The following MS4A4E variants were observed in gnomAD, a reference collection of about 807,000 sequenced individuals.
MS4A4E encodes the protein putative membrane-spanning 4-domains subfamily A member 4E.
A neutral mutation model predicts 13.3 loss-of-function variants in MS4A4E; 23 were observed. The ratio of observed to expected loss-of-function variants is 1.73; its 90% CI spans 1.25 to 2.45. The LOEUF (loss-of-function observed/expected upper bound fraction) is 2.45. Among genes scored for constraint, MS4A4E ranks in the 30% most tolerant of loss-of-function variants. MS4A4E has a pLI of 0.00. For missense variants in MS4A4E, 144 were observed against 131.2 expected, an observed-to-expected ratio of 1.10 and a Z score of -0.48; for synonymous variants, 36 against 45.6, an observed-to-expected ratio of 0.79 and a Z score of 0.85.
At chr11:60,229,391 A>G (rs1168143913) in intron 2 of MS4A4E, among the ~76,000 whole-genome samples, 1 of 152,222 alleles carries the variant, frequency 6.6e-6, no homozygotes, top group Non-Finnish European at 1.5e-5. Context: ...GGCTAGTGAT[A>G]AACCTATATT....
At chr11:60,226,109 G>A (rs898682686) in intron 3 of MS4A4E, among the ~76,000 whole-genome samples, 8 of 151,184 alleles carry the variant, frequency 5.3e-5, no homozygotes, top group African/African-American at 1.9e-4. Context: ...GAAGAAATAG[G>A]CACTCTGAAT....
chr11:60,237,536 G>A (rs904943462), intron 1 of MS4A4E, among the ~76,000 whole-genome samples: 1 of 152,072 alleles, frequency 6.6e-6, no homozygotes, highest in African/African-American at 2.4e-5. Context: ...GTTCCACAGT[G>A]GTTAAACTAA....
At chr11:60,231,689 T>G (rs2084413116) in intron 1 of MS4A4E, among the ~76,000 whole-genome samples, 1 of 152,184 alleles carries the variant, frequency 6.6e-6, no homozygotes, top group Admixed American at 6.5e-5. Context: ...AGAAATTAAA[T>G]GCATCAGCTG....
In MS4A4E at chr11:60,201,067, C is replaced by T. The variant is rs1161407123; in HGVS notation, c.*476G>A. On this transcript the variant is annotated 3_prime_UTR_variant, in exon 9 of 9. Transcript: ENST00000651255. ...ACGTGGTGGCTGGCCGGGTGGGGGG[C>T]TGAACCCCCCACCTCCCTCCCGGAC... is the stretch of plus-strand genomic sequence containing the variant. Among the ~76,000 whole-genome samples, 3 of 142,244 alleles carry T rather than the reference C, an allele frequency of 2.1e-5. No individual in the cohort carries two copies. The East Asian group carries it at 6.9e-4, about 33-fold the overall frequency. 93.3% of individuals were successfully genotyped at this position (142,244 alleles called of 152,430 possible). A position where few individuals can be genotyped will look rare whatever the true frequency, so the allele number is the denominator to read the frequency against.
At chr11:60,239,792 C>A (rs949208541) in intron 1 of MS4A4E, among the ~76,000 whole-genome samples, 1 of 152,168 alleles carries the variant, frequency 6.6e-6, no homozygotes, top group Non-Finnish European at 1.5e-5. Context: ...ACTTCAGCAT[C>A]CCCTGAACAG....
intron 1 of MS4A4E, among the ~76,000 whole-genome samples, chr11:60,236,348 A>AT (rs557973045): frequency 1.3e-5 from 2 of 152,188 alleles, no homozygotes; most frequent in African/African-American, 2.4e-5. Flanking sequence ...GGTTGCTTGA[A>AT]TTTTTTATAA....
intron 1 of MS4A4E, among the ~76,000 whole-genome samples, chr11:60,242,280 T>C (rs1189065329): frequency 1.3e-5 from 2 of 152,328 alleles, no homozygotes; most frequent in South Asian, 2.1e-4. Context: ...ATTTACTTCA[T>C]CTGGGGAAAG....
intron 3 of MS4A4E, chr11:60,225,230 T>A: frequency 1.3e-6 from 1 of 773,664 alleles, no homozygotes. Flanking sequence ...TTGTCACTCT[T>A]TTTTTCACAT....
At chr11:60,230,399 T>C (rs1245999729) in intron 1 of MS4A4E, among the ~76,000 whole-genome samples, 2 of 152,232 alleles carry the variant, frequency 1.3e-5, no homozygotes, top group African/African-American at 4.8e-5. Context: ...ATGCCTAGTC[T>C]CTTGATTACA....
chr11:60,200,913 CG>C lies in MS4A4E; in HGVS notation c.*629del, dbSNP rs1352387165. Among the ~76,000 whole-genome samples the C allele has an allele frequency of 7.9e-4, 114 of 144,176 alleles. No homozygotes were observed. Among genetic ancestry groups the C allele is most frequent in the African/African-American group, 2.8e-3 (109 of 38,738 alleles). 94.6% of individuals were successfully genotyped at this position (144,176 alleles called of 152,430 possible). A position where few individuals can be genotyped will look rare whatever the true frequency, so the allele number is the denominator to read the frequency against. On this transcript the variant is annotated 3_prime_UTR_variant, in exon 9 of 9. Coordinates refer to ENST00000651255, the MANE Select transcript of MS4A4E (RefSeq NM_001393391.1). ...CTCCCGGACGGGGCGGCTGGCCGGGCGGGGGGCTGACCCCTCCACCTCCCTC... is the reference window on the plus strand; with the variant it reads ...CTCCCGGACGGGGCGGCTGGCCGGGCGGGGGCTGACCCCTCCACCTCCCTC...
intron 3 of MS4A4E, chr11:60,225,166 T>C (rs1335640585): frequency 1.5e-6 from 2 of 1,330,008 alleles, no homozygotes; most frequent in Admixed American, 2.7e-5. Context: ...TTCCAATCAC[T>C]AAGCTATCCT....
At chr11:60,214,245 C>T (rs1316518317) in intron 4 of MS4A4E, among the ~76,000 whole-genome samples, 1 of 152,040 alleles carries the variant, frequency 6.6e-6, no homozygotes, top group Non-Finnish European at 1.5e-5. Context: ...AAACATTATG[C>T]CACACCAATA....
chr11:60,211,540 G>A (rs73483295), intron 5 of MS4A4E, among the ~76,000 whole-genome samples: 2,060 of 152,272 alleles, frequency 0.014, 50 homozygotes, highest in African/African-American at 0.046. Flanking sequence ...TAAGCAGCAA[G>A]GCGAAAGGCT....
At chr11:60,215,202 A>G (rs1013980952) in intron 3 of MS4A4E, among the ~76,000 whole-genome samples, 21 of 151,940 alleles carry the variant, frequency 1.4e-4, no homozygotes, top group Non-Finnish European at 2.5e-4. Flanking sequence ...TGATTCAAAA[A>G]TTATATCCTA....
intron 1 of MS4A4E, among the ~76,000 whole-genome samples, chr11:60,231,575 C>T (rs1323217855): frequency 6.6e-6 from 1 of 152,034 alleles, no homozygotes; most frequent in African/African-American, 2.4e-5. Flanking sequence ...AATGTAGAAA[C>T]AGTATCAAAG....
intron 1 of MS4A4E, among the ~76,000 whole-genome samples, chr11:60,236,150 T>C (rs574707312): frequency 1.3e-5 from 2 of 152,352 alleles, no homozygotes; most frequent in Admixed American, 6.5e-5. Context: ...TCAATTCTAT[T>C]CCATTGTTCT....
At chr11:60,215,999 T>A (rs1018797035) in intron 3 of MS4A4E, among the ~76,000 whole-genome samples, 2 of 151,996 alleles carry the variant, frequency 1.3e-5, no homozygotes, top group African/African-American at 4.8e-5. Flanking sequence ...ACAAAGAATG[T>A]GAAACATAAA....
chr11:60,203,005 G>A (rs942343279), intron 8 of MS4A4E, among the ~76,000 whole-genome samples: 3 of 152,084 alleles, frequency 2.0e-5, no homozygotes, highest in Non-Finnish European at 2.9e-5. Flanking sequence ...GAAAATTACC[G>A]ATTTTCAGGG....
intron 6 of MS4A4E, 54 bp downstream of exon 6, chr11:60,208,539 T>A (rs1207100640): frequency 7.7e-6 from 5 of 653,352 alleles, no homozygotes; most frequent in African/African-American, 5.4e-5. Context: ...TTTAACTGAT[T>A]ATACAGCAAT....
Sources: gnomAD v4.1 joint callset for allele counts (sites outside exome capture counted in the v4.1 genomes callset) on GRCh38, gnomAD v4.1.1 for gene constraint, MANE v1.5 for transcripts, NCBI Gene and HGNC (gene_info 2026-07-23, HGNC 2026-07-21) for gene names.